The following TLR6 variants were observed in gnomAD, a reference collection of about 807,000 sequenced individuals.
TLR6 encodes the protein toll-like receptor 6.
Under a neutral mutation model 16.1 loss-of-function variants are expected in TLR6, and 9 were observed. The observed-to-expected ratio is 0.56, with a 90% CI of 0.34 to 0.98. TLR6 has a LOEUF of 0.98. Ranked by LOEUF, TLR6 falls within the 50% of genes least tolerant of loss-of-function variation. The pLI is 0.02. For synonymous variants in TLR6, 340 were observed against 338.6 expected (o/e 1.00, Z -0.04); for missense variants, 786 against 921.0 (o/e 0.85, Z 1.90).
exon 2 of TLR6, chr4:38,828,841 G>T: frequency 1.9e-6 from 3 of 1,613,994 alleles, no homozygotes; most frequent in Non-Finnish European, 1.7e-6. Flanking sequence ...TGTTCACTTG[G>T]ATAGCGAATA....
the TLR6 span, chr4:38,868,058 AGTGT>A: frequency 1.5e-5 from 6 of 412,914 alleles, no homozygotes; most frequent in East Asian, 9.2e-5. Context: ...CGGGCGTGTG[AGTGT>A]GTGTGTGTGA....
chr4:38,838,112 G>T (rs1183128538), intron 1 of TLR6, among the ~76,000 whole-genome samples: 13 of 152,196 alleles, frequency 8.5e-5, no homozygotes, highest in Admixed American at 8.5e-4. Context: ...TGGTGAGAAT[G>T]CAGAGAAAAG....
chr4:38,866,046 G>A, the TLR6 span, among the ~76,000 whole-genome samples: 1 of 151,872 alleles, frequency 6.6e-6, no homozygotes, highest in Non-Finnish European at 1.5e-5. Context: ...GGCTGAGGCA[G>A]AAGAATCGCT....
upstream of TLR6, among the ~76,000 whole-genome samples, chr4:38,858,776 G>A (rs12643961): frequency 0.032 from 1,040 of 32,076 alleles, 17 homozygotes; most frequent in Middle Eastern, 0.19. Context: ...AGAGAGAGAG[G>A]GAGAGAGAGA....
At chr4:38,858,890 AG>A (rs199912044), upstream of TLR6, among the ~76,000 whole-genome samples, 335 of 44,522 alleles carry the variant, frequency 7.5e-3, 7 homozygotes, top group East Asian at 0.11. Context: ...AAAGAAAGAG[AG>A]AAAGAAAGAA....
At chr4:38,857,516 G>T (rs899923001), upstream of TLR6, among the ~76,000 whole-genome samples, 6 of 151,990 alleles carry the variant, frequency 3.9e-5, no homozygotes, top group East Asian at 1.2e-3. Flanking sequence ...GAAGTCTCTG[G>T]TTAAACAGAG....
chr4:38,850,011 G>C (rs1439704239), intron 1 of TLR6, among the ~76,000 whole-genome samples: 2 of 152,162 alleles, frequency 1.3e-5, no homozygotes, highest in Non-Finnish European at 2.9e-5. Context: ...TAAAAGAACA[G>C]AAATTATAAC....
chr4:38,861,108 G>T (rs1713184615), upstream of TLR6, among the ~76,000 whole-genome samples: 1 of 151,834 alleles, frequency 6.6e-6, no homozygotes, highest in African/African-American at 2.4e-5. Context: ...GACTCTCACT[G>T]CTACTTCCAG....
exon 2 of TLR6, chr4:38,829,136 T>C (rs1293881792): frequency 5.6e-6 from 9 of 1,614,022 alleles, no homozygotes; most frequent in Non-Finnish European, 5.9e-6. Context: ...GGATATCTTT[T>C]GCAACTGATT....
At chr4:38,837,099 T>C (rs540026911) in intron 1 of TLR6, among the ~76,000 whole-genome samples, 7 of 151,520 alleles carry the variant, frequency 4.6e-5, no homozygotes, top group Admixed American at 1.3e-4. Flanking sequence ...CACAAAAAAA[T>C]GGAAAGACAT....
Position 38,829,557 on chromosome 4 carries a change from T to A in TLR6, c.-64-20A>T. 1.3e-6 allele frequency: 1 copy of A among 771,970 alleles called. No individual in the cohort carries two copies. Among genetic ancestry groups the A allele is most frequent in the Non-Finnish European group, 2.1e-6 (1 of 473,982 alleles). The allele number at this position is 771,970 out of a possible 1,614,324, so 47.8% of individuals were successfully genotyped here. A position where few individuals can be genotyped will look rare whatever the true frequency, so the allele number is the denominator to read the frequency against. On this transcript the variant is annotated intron_variant, in intron 1 of 1. Coordinates refer to ENST00000436693, the Ensembl canonical transcript of TLR6. ...CAAATTCTAGAAATATAATATACAC[T>A]AAGATTAATAAAGATCGGATGGTTA...
chr4:38,848,657 T>C (rs1311738156), intron 1 of TLR6, among the ~76,000 whole-genome samples: 1 of 152,152 alleles, frequency 6.6e-6, no homozygotes, highest in Non-Finnish European at 1.5e-5. Flanking sequence ...GCTGATTTGA[T>C]CAACTGGAAG....
chr4:38,851,184 T>C (rs1391016480), intron 1 of TLR6, among the ~76,000 whole-genome samples: 4 of 152,216 alleles, frequency 2.6e-5, no homozygotes, highest in African/African-American at 9.6e-5. Flanking sequence ...TCAACAGCTC[T>C]TCATGCTAAA....
intron 1 of TLR6, among the ~76,000 whole-genome samples, chr4:38,839,301 ATTTT>A (rs753999214): frequency 1.4e-4 from 21 of 151,370 alleles, no homozygotes; most frequent in East Asian, 5.8e-4. Context: ...AAGTCTATTG[ATTTT>A]TTTTTAAAAA....
chr4:38,840,633 CAA>C (rs377719537), intron 1 of TLR6, among the ~76,000 whole-genome samples: 100 of 107,152 alleles, frequency 9.3e-4, no homozygotes, highest in African/African-American at 1.3e-3. Context: ...GACTCCCTCT[CAA>C]AAAAAAAAAA....
upstream of TLR6, among the ~76,000 whole-genome samples, chr4:38,858,741 A>AAGAGAGAGAGAGAG (rs201909359): frequency 1.0e-5 from 1 of 100,038 alleles, no homozygotes; most frequent in Non-Finnish European, 2.1e-5. Context: ...GAAAGAAAGA[A>AAGAGAGAGAGAGAG]AGAGAGAGAG....
Position 38,848,132 on chromosome 4 carries a change from C to T in TLR6, c.-65+8629G>A, listed in dbSNP as rs531839787. ...GCAACATTTGCTGTTCAGCAATATT[C>T]GCTGTTCTGCAGCCTCCGCTGCTGA... On this transcript the variant is annotated intron_variant, in intron 1 of 1. Transcript: ENST00000436693. Among the ~76,000 whole-genome samples, 10 of 152,300 alleles carry T rather than the reference C, an allele frequency of 6.6e-5. No individual in the cohort carries two copies. In the South Asian group the frequency reaches 1.0e-3, roughly 16 times the overall value.
At chr4:38,826,561 G>A (rs1187392483) in exon 2 of TLR6, 2 of 152,928 alleles carry the variant, frequency 1.3e-5, no homozygotes, top group Admixed American at 1.3e-4. Context: ...TTACATATTT[G>A]TGTAGCAGGA....
chr4:38,858,885 A>AAGAG (rs373652925), upstream of TLR6, among the ~76,000 whole-genome samples: 9 of 67,382 alleles, frequency 1.3e-4, no homozygotes, highest in Non-Finnish European at 1.9e-4. Context: ...GAAAGAAAGA[A>AAGAG]AGAGAGAAAG....
Sources: allele counts gnomAD v4.1 joint callset (sites outside exome capture counted in the v4.1 genomes callset), GRCh38; gene constraint gnomAD v4.1.1; transcripts MANE v1.5; gene names NCBI Gene and HGNC (gene_info 2026-07-23, HGNC 2026-07-21).